Variants in PDE6C observed in about 807,000 individuals in gnomAD.
The protein encoded by PDE6C is phosphodiesterase 6C, also known as cone cGMP-specific 3',5'-cyclic phosphodiesterase subunit alpha'.
Under a neutral mutation model 113.1 loss-of-function variants are expected in PDE6C, and 75 were observed. The ratio of observed to expected loss-of-function variants is 0.66; its 90% CI spans 0.55 to 0.80. The LOEUF is 0.80. Ranked by LOEUF, PDE6C falls within the 30% of genes least tolerant of loss-of-function variation. The probability of loss-of-function intolerance (pLI) is 0.00; values close to 1 mark genes in which losing one functional copy is unlikely to be tolerated. For synonymous variants in PDE6C, 375 were observed against 363.7 expected, an observed-to-expected ratio of 1.03 and a Z score of -0.35; for missense variants, 912 against 1,038.6, an observed-to-expected ratio of 0.88 and a Z score of 1.67.
intron 1 of PDE6C, among the ~76,000 whole-genome samples, chr10:93,616,911 C>T (rs767527318): frequency 1.3e-5 from 2 of 152,152 alleles, no homozygotes; most frequent in Non-Finnish European, 2.9e-5. Context: ...ATAGGCCTCC[C>T]AAAGTGCTGA....
rs768709527 is a variant in PDE6C, at chr10:93,640,131, C to T, written c.1544C>T (p.Pro515Leu). The change falls in exon 12 of 22, where the codon CCC (proline) becomes CTC (leucine). Residue 515 changes from proline (P) to leucine (L), a missense_variant. Pro to Leu is a moderately conservative substitution (Grantham distance 98). Coordinates refer to ENST00000371447, the MANE Select transcript of PDE6C (RefSeq NM_006204.4). The stretch of plus-strand genomic sequence containing the variant: ...TACGAATTCCGCTTCAGTGACTTCC[C>T]CCTTACAGAGCACGGATTGATTAAA... Reference protein sequence around the residue: ...ELYEFRFSDFPLTEHGLIKCG... With the variant: ...ELYEFRFSDFLLTEHGLIKCG... 4 of 1,613,844 alleles carry T rather than the reference C, an allele frequency of 2.5e-6. No homozygotes were observed. The highest frequency in any genetic ancestry group is 3.4e-6 in the Non-Finnish European group (4 of 1,179,754).
At chr10:93,651,079 C>T (rs977246992) in intron 15 of PDE6C, among the ~76,000 whole-genome samples, 11 of 152,258 alleles carry the variant, frequency 7.2e-5, no homozygotes, top group Non-Finnish European at 1.0e-4. Flanking sequence ...GAATTCTACT[C>T]GCTCTATGGA....
Position 93,620,612 on chromosome 10 carries a change from T to C in PDE6C, c.481-20T>C. 1 of 1,613,690 alleles carries C rather than the reference T, an allele frequency of 6.2e-7. No homozygotes were observed. Among genetic ancestry groups the C allele is most frequent in the Non-Finnish European group, 8.5e-7 (1 of 1,179,630 alleles). On this transcript the variant is annotated intron_variant, in intron 1 of 21. Coordinates refer to ENST00000371447, the MANE Select transcript of PDE6C (RefSeq NM_006204.4). ...TATGATTTTGTGCCACTTTGACAAA[T>C]ATGTGACTGTCTCTTTCAGAACAGC...
At chr10:93,663,205 T>C (rs1826933043) in intron 21 of PDE6C, 27 bp downstream of exon 21, 2 of 1,608,934 alleles carry the variant, frequency 1.2e-6, no homozygotes, top group African/African-American at 1.3e-5. Context: ...TTTTGCTCCC[T>C]GTAATGTAGC....
chr10:93,632,420 C>T, intron 8 of PDE6C, among the ~76,000 whole-genome samples: 1 of 152,124 alleles, frequency 6.6e-6, no homozygotes, highest in East Asian at 1.9e-4. Flanking sequence ...TTAAAGTGGT[C>T]CTAATTCACA....
At chr10:93,632,431 G>A (rs2058506187) in intron 8 of PDE6C, among the ~76,000 whole-genome samples, 1 of 152,156 alleles carries the variant, frequency 6.6e-6, no homozygotes, top group East Asian at 1.9e-4. Context: ...CTAATTCACA[G>A]GAGGAAAAGT....
In PDE6C at chr10:93,640,512, G is replaced by A. The variant is rs1475889625; in HGVS notation, c.1692G>A (p.Trp564Ter). The change falls in exon 13 of 22, where the codon TGG (tryptophan) becomes TGA (stop). Residue 564 changes from tryptophan to a stop codon, truncating the protein, a stop_gained. Transcript: ENST00000371447. LOFTEE classifies it high-confidence loss of function. ...ACCGAGCTGTCACTTACCACAATTGGCGGCATGGGTTCAACGTGGGGCAGA... is the reference window on the plus strand; with the variant it reads ...ACCGAGCTGTCACTTACCACAATTGACGGCATGGGTTCAACGTGGGGCAGA... ...KGYRAVTYHN[W>*]RHGFNVGQTM... 3 of 1,613,736 alleles carry A rather than the reference G, an allele frequency of 1.9e-6. No individual in the cohort carries two copies. The highest frequency in any genetic ancestry group is 2.5e-6 in the Non-Finnish European group (3 of 1,179,838).
chr10:93,655,781 C>T lies in PDE6C; in HGVS notation c.1957C>T (p.Leu653=). 1 of 1,602,234 alleles carries T rather than the reference C, an allele frequency of 6.2e-7. No homozygotes were observed. Among genetic ancestry groups the T allele is most frequent in the South Asian group, 1.1e-5 (1 of 90,810 alleles). Residue 653 remains leucine (L), a synonymous_variant, in exon 16 of 22, where the codon CTA becomes TTA. Transcript: ENST00000371447. Reference sequence around the variant, plus strand: ...ACAGAGTTTAAACATCTTCCAGAACCTAAATAAGCGGCAGTTTGAAACAGT... The same window carrying T: ...ACAGAGTTTAAACATCTTCCAGAACTTAAATAAGCGGCAGTTTGAAACAGT... The part of the protein sequence containing the change: ...QDESLNIFQN[L]NKRQFETVIH...
chr10:93,613,211 T>A lies in PDE6C; in HGVS notation c.480+6T>A. 6.2e-7 allele frequency: 1 copy of A among 1,613,466 alleles called. No individual in the cohort carries two copies. The highest frequency in any genetic ancestry group is 1.6e-4 in the Middle Eastern group (1 of 6,062). ...ATGTCCCAGATGTGAAAAAGGTAGG[T>A]GGCCTTATGACAGTGGGGCAGAGGT... On this transcript the variant is annotated splice_donor_region_variant and intron_variant, in intron 1 of 21. Transcript: ENST00000371447.
At chr10:93,615,342 G>T (rs72822854) in intron 1 of PDE6C, among the ~76,000 whole-genome samples, 4 of 152,032 alleles carry the variant, frequency 2.6e-5, no homozygotes, top group African/African-American at 4.8e-5. Context: ...TTGTTACAGC[G>T]GACTCTCAAA....
intron 14 of PDE6C, among the ~76,000 whole-genome samples, chr10:93,644,455 G>T (rs954947875): frequency 1.5e-4 from 23 of 151,676 alleles, no homozygotes; most frequent in African/African-American, 5.1e-4. Flanking sequence ...ATACTTTTGG[G>T]GTACATGATA....
chr10:93,653,358 G>A (rs758224092), intron 15 of PDE6C, among the ~76,000 whole-genome samples: 4 of 151,962 alleles, frequency 2.6e-5, no homozygotes, highest in Admixed American at 6.6e-5. Flanking sequence ...AAATTGATTC[G>A]GGGTCCAGGC....
intron 7 of PDE6C, among the ~76,000 whole-genome samples, chr10:93,628,709 C>T (rs1463161505): frequency 6.6e-6 from 1 of 152,086 alleles, no homozygotes; most frequent in Non-Finnish European, 1.5e-5. Context: ...TAAAATGACC[C>T]AAAGTTGAGT....
intron 5 of PDE6C, among the ~76,000 whole-genome samples, chr10:93,626,166 ACCT>A (rs773499338): frequency 7.9e-5 from 12 of 152,140 alleles, no homozygotes; most frequent in South Asian, 2.1e-4. Context: ...TGGCAGTGAA[ACCT>A]CCTGTTTCTG....
rs78070694 is a variant in PDE6C, at chr10:93,627,984, G to A, written c.1071+1113G>A. 2.9e-3 allele frequency among the ~76,000 whole-genome samples: 440 copies of A among 152,298 alleles called. 8 individuals are homozygous for A. In the East Asian group the frequency reaches 0.04, roughly 14 times the overall value. Reference sequence around the variant, plus strand: ...TTGGTGAGGTGGGGATTTAAGGAGGGAGCCCACTTAGATCTTGTTAGATTG... The same window carrying A: ...TTGGTGAGGTGGGGATTTAAGGAGGAAGCCCACTTAGATCTTGTTAGATTG... On this transcript the variant is annotated intron_variant, in intron 7 of 21. Transcript: ENST00000371447.
At chr10:93,648,351 C>A (rs1387737529) in intron 15 of PDE6C, among the ~76,000 whole-genome samples, 1 of 152,108 alleles carries the variant, frequency 6.6e-6, no homozygotes, top group Non-Finnish European at 1.5e-5. Context: ...TCAATAGAGT[C>A]GCTAGGCAAT....
Position 93,654,809 on chromosome 10 carries a change from T to C in PDE6C, c.1936-951T>C, listed in dbSNP as rs1318434241. Among the ~76,000 whole-genome samples the C allele has an allele frequency of 3.4e-5, 3 of 87,918 alleles. No individual in the cohort carries two copies. In the South Asian group the frequency reaches 1.1e-3, roughly 33 times the overall value. The allele number at this position is 87,918 out of a possible 152,430, so 57.7% of individuals were successfully genotyped here. On this transcript the variant is annotated intron_variant, in intron 15 of 21. Transcript: ENST00000371447. ...TTCTTTCTTTCTTTCTTTCTTTCTT[T>C]CTTTTTTTTTTTTTTTGAAACAGGG...
intron 18 of PDE6C, among the ~76,000 whole-genome samples, chr10:93,661,677 T>C (rs904368678): frequency 6.6e-6 from 1 of 152,216 alleles, no homozygotes; most frequent in African/African-American, 2.4e-5. Context: ...CTAATGGGTG[T>C]ATGTCACATG....
rs888377765 is a variant in PDE6C, at chr10:93,635,753, G to C, written c.1413+113G>C. 5 of 1,123,622 alleles carry C rather than the reference G, an allele frequency of 4.4e-6. No individual in the cohort carries two copies. In the African/African-American group the frequency reaches 6.1e-5, roughly 14 times the overall value. 69.6% of individuals were successfully genotyped at this position (1,123,622 alleles called of 1,614,324 possible). A position where few individuals can be genotyped will look rare whatever the true frequency, so the allele number is the denominator to read the frequency against. On this transcript the variant is annotated intron_variant, in intron 10 of 21. Transcript: ENST00000371447. ...TGCAAATGGTTTACTCCTGGGCTGA[G>C]AGAGAGAGACAGGGAAGGAGGGGTT... is the stretch of plus-strand genomic sequence containing the variant.
Sources: gnomAD v4.1 joint callset for allele counts (sites outside exome capture counted in the v4.1 genomes callset) on GRCh38, gnomAD v4.1.1 for gene constraint, MANE v1.5 for transcripts, NCBI Gene and HGNC (gene_info 2026-07-23, HGNC 2026-07-21) for gene names.